TSR1: variants seen among roughly 807,000 people sequenced by gnomAD.
The protein encoded by TSR1 is TSR1 ribosome maturation factor.
TSR1 carries 81 observed loss-of-function variants against 90.9 expected under a neutral mutation model. The ratio of observed to expected loss-of-function variants is 0.89; its 90% CI spans 0.74 to 1.07. TSR1 has a LOEUF of 1.07. Among genes scored for constraint, TSR1 ranks in the 50% least tolerant of loss-of-function variants. The pLI, the probability that TSR1 is intolerant of heterozygous loss-of-function variation, is 0.00. For synonymous variants in TSR1, 362 were observed against 348.8 expected, an observed-to-expected ratio of 1.04 and a Z score of -0.42; for missense variants, 989 against 987.3, an observed-to-expected ratio of 1.00 and a Z score of -0.02.
At position 2,334,571 on chromosome 17, in the gene TSR1, A is replaced by G; in HGVS notation, c.882T>C (p.Tyr294=). 6.2e-7 allele frequency: 1 copy of G among 1,614,194 alleles called. No homozygotes were observed. Among genetic ancestry groups the G allele is most frequent in the South Asian group, 1.1e-5 (1 of 91,086 alleles). Residue 294 remains tyrosine, a synonymous_variant, in exon 5 of 15, where the codon TAT becomes TAC. Coordinates refer to ENST00000301364, the MANE Select transcript of TSR1 (RefSeq NM_018128.5). Reference sequence around the variant, plus strand: ...CTATCTGTTTCATCTGGAAATCACCATATCCAACGATATGCAGCAACCTAT... The same window carrying G: ...CTATCTGTTTCATCTGGAAATCACCGTATCCAACGATATGCAGCAACCTAT... The part of the protein sequence containing the change: ...NVNRLLHIVG[Y]GDFQMKQIDA...
chr17:2,324,616 T>G, intron 13 of TSR1, 38 bp from the exon 14 acceptor site: 1 of 1,613,960 alleles, frequency 6.2e-7, no homozygotes, highest in Non-Finnish European at 8.5e-7. Context: ...GATGAAACAT[T>G]TACCCACAAA....
intron 5 of TSR1, 28 bp from the exon 6 acceptor site, chr17:2,333,744 A>C: frequency 6.2e-7 from 1 of 1,612,998 alleles, no homozygotes; most frequent in Non-Finnish European, 8.5e-7. Flanking sequence ...GTGATAGTCA[A>C]CCATGAACCA....
Position 2,329,496 on chromosome 17 carries a change from A to C in TSR1, c.1771-21T>G, listed in dbSNP as rs182954221. On this transcript the variant is annotated intron_variant, in intron 10 of 14. Coordinates refer to ENST00000301364, the MANE Select transcript of TSR1 (RefSeq NM_018128.5). Reference sequence around the variant, plus strand: ...GACATCTGGGGACCAAGTAAGAAAAACAAAAATCTTCATAGTCTAGGAATA... The same window carrying C: ...GACATCTGGGGACCAAGTAAGAAAACCAAAAATCTTCATAGTCTAGGAATA... 9.1e-5 allele frequency: 147 copies of C among 1,613,064 alleles called. 2 individuals are homozygous for C. The East Asian group carries it at 3.1e-3, about 34-fold the overall frequency.
rs1597272564 is a variant in TSR1, at chr17:2,324,041, C to A, written c.*155G>T. The A allele has an allele frequency of 6.6e-6, 8 of 1,209,470 alleles. No homozygotes were observed. The highest frequency in any genetic ancestry group is 9.2e-6 in the Non-Finnish European group (8 of 869,082). The allele number at this position is 1,209,470 out of a possible 1,614,324, so 74.9% of individuals were successfully genotyped here. On this transcript the variant is annotated 3_prime_UTR_variant, in exon 15 of 15. Transcript: ENST00000301364. ...GTAGTGGAAAAACTTTTATACTTAA[C>A]TGAGACATTTTGTCAAGGCTAAAAA...
Position 2,329,448 on chromosome 17 carries a change from G to C in TSR1, c.1798C>G (p.Arg600Gly). Reference protein sequence around the residue: ...KMSVLNMVVRRDPGNTEPVKA... With the variant: ...KMSVLNMVVRGDPGNTEPVKA... ...ACAGGTTCAGTGTTGCCAGGGTCAC[G>C]CCTCACCACCATATTCAATACTGAC... Residue 600 changes from arginine (R) to glycine (G), a missense_variant, in exon 11 of 15, where the codon CGT (arginine) becomes GGT (glycine). By Grantham distance (125) the Arg-to-Gly change is moderately radical (BLOSUM62 -2). Coordinates refer to ENST00000301364, the MANE Select transcript of TSR1 (RefSeq NM_018128.5). 1 of 1,614,104 alleles carries C rather than the reference G, an allele frequency of 6.2e-7. No homozygotes were observed. The highest frequency in any genetic ancestry group is 8.5e-7 in the Non-Finnish European group (1 of 1,180,030).
chr17:2,335,352 G>T lies in TSR1; in HGVS notation c.464C>A (p.Thr155Asn), dbSNP rs2064048031. The T allele has an allele frequency of 1.9e-6, 3 of 1,613,644 alleles. No homozygotes were observed. The highest frequency in any genetic ancestry group is 2.5e-6 in the Non-Finnish European group (3 of 1,179,988). ...VVLDMAKVAD[T>N]ILFLLDPLEG... ...TAGTGGATCAAGGAGGAACAGGATG[G>T]TATCAGCTACTTTAGCCATGTCTAA... is the stretch of plus-strand genomic sequence containing the variant. Residue 155 changes from threonine to asparagine, a missense_variant, in exon 4 of 15, where the codon ACC becomes AAC. Transcript: ENST00000301364.
At position 2,336,093 on chromosome 17, in the gene TSR1, T is replaced by C; in HGVS notation, c.145A>G (p.Ser49Gly). The C allele has an allele frequency of 6.2e-7, 1 of 1,614,234 alleles. No homozygotes were observed. Among genetic ancestry groups the C allele is most frequent in the Non-Finnish European group, 8.5e-7 (1 of 1,180,038 alleles). Residue 49 changes from serine (S) to glycine (G), a missense_variant, in exon 2 of 15, where the codon AGC becomes GGC. Physicochemically the swap from Ser to Gly is moderately conservative, Grantham distance 56. Coordinates refer to ENST00000301364, the MANE Select transcript of TSR1 (RefSeq NM_018128.5). Reference protein sequence around the residue: ...TLSKKVRKELSRVDQRHRASQ... With the variant: ...TLSKKVRKELGRVDQRHRASQ... ...GCGCGATGCCTCTGGTCGACTCTGC[T>C]GAGTTCTTTTCTCACCTTCTTGCTT... is the stretch of plus-strand genomic sequence containing the variant.
In TSR1 at chr17:2,333,703, T is replaced by C. The variant is rs771754365; in HGVS notation, c.995A>G (p.Asp332Gly). ...PDMAMEICATDAVDDMEEGLK... is the reference protein window; with the variant it reads ...PDMAMEICATGAVDDMEEGLK... ...ACCTTCTTCCATATCATCTACAGCA[T>C]CCGTAGCACAAATCTGAAAACCAAA... Residue 332 changes from aspartate (D) to glycine (G), a missense_variant, in exon 6 of 15, where the codon GAT becomes GGT. Physicochemically the swap from Asp to Gly is moderately conservative, Grantham distance 94. Coordinates refer to ENST00000301364, the MANE Select transcript of TSR1 (RefSeq NM_018128.5). 6.2e-7 allele frequency: 1 copy of C among 1,613,972 alleles called. No individual in the cohort carries two copies. Among genetic ancestry groups the C allele is most frequent in the Non-Finnish European group, 8.5e-7 (1 of 1,180,004 alleles).
chr17:2,323,430 C>A lies in TSR1; in HGVS notation c.*766G>T. On this transcript the variant is annotated 3_prime_UTR_variant, in exon 15 of 15. Coordinates refer to ENST00000301364, the MANE Select transcript of TSR1 (RefSeq NM_018128.5). Reference sequence around the variant, plus strand: ...ACTTCCCTTAGGAGTAGCAAGTGACCCACGGGAACCTGACTAGGTAACTTC... The same window carrying A: ...ACTTCCCTTAGGAGTAGCAAGTGACACACGGGAACCTGACTAGGTAACTTC... The A allele has an allele frequency of 6.7e-7, 1 of 1,482,598 alleles. No homozygotes were observed. Among genetic ancestry groups the A allele is most frequent in the Non-Finnish European group, 9.3e-7 (1 of 1,071,102 alleles). The allele number at this position is 1,482,598 out of a possible 1,614,324, so 91.8% of individuals were successfully genotyped here.
At position 2,333,238 on chromosome 17, in the gene TSR1, G is replaced by C. The variant is rs774720616; in HGVS notation, c.1142-114C>G. The C allele has an allele frequency of 8.8e-6, 11 of 1,253,128 alleles. No homozygotes were observed. In the African/African-American group the frequency reaches 1.2e-4, roughly 13 times the overall value. 77.6% of individuals were successfully genotyped at this position (1,253,128 alleles called of 1,614,324 possible). A position where few individuals can be genotyped will look rare whatever the true frequency, so the allele number is the denominator to read the frequency against. On this transcript the variant is annotated intron_variant, in intron 6 of 14. Coordinates refer to ENST00000301364, the MANE Select transcript of TSR1 (RefSeq NM_018128.5). Reference sequence around the variant, plus strand: ...GCTGCCAACATGGGAAATTCTGGCAGACACTGTAAATAGAACTACTTCCAA... The same window carrying C: ...GCTGCCAACATGGGAAATTCTGGCACACACTGTAAATAGAACTACTTCCAA...
chr17:2,323,818 T>C lies in TSR1; in HGVS notation c.*378A>G. 6.2e-7 allele frequency: 1 copy of C among 1,614,198 alleles called. No individual in the cohort carries two copies. The highest frequency in any genetic ancestry group is 1.1e-5 in the South Asian group (1 of 91,086). On this transcript the variant is annotated 3_prime_UTR_variant, in exon 15 of 15. Coordinates refer to ENST00000301364, the MANE Select transcript of TSR1 (RefSeq NM_018128.5). Reference sequence around the variant, plus strand: ...GGAAATGTAGACTTAACCTCCTCCATAACTTGGGTGAAGCAGGCTGAAAGG... The same window carrying C: ...GGAAATGTAGACTTAACCTCCTCCACAACTTGGGTGAAGCAGGCTGAAAGG...
intron 11 of TSR1, among the ~76,000 whole-genome samples, chr17:2,328,742 C>A (rs369137809): frequency 3.2e-4 from 48 of 151,636 alleles, no homozygotes; most frequent in African/African-American, 1.2e-3. Flanking sequence ...CGGTGAAACC[C>A]CGTCTCTACT....
chr17:2,335,439 C>T (rs777104921), intron 3 of TSR1, 45 bp from the exon 4 acceptor site: 8 of 1,551,838 alleles, frequency 5.2e-6, no homozygotes, highest in Non-Finnish European at 7.0e-6. Context: ...GGCACCAGCA[C>T]ATTATTCTAA....
At position 2,322,834 on chromosome 17, in the gene TSR1, A is replaced by C; in HGVS notation, c.*1362T>G. On this transcript the variant is annotated 3_prime_UTR_variant, in exon 15 of 15. Coordinates refer to ENST00000301364, the MANE Select transcript of TSR1 (RefSeq NM_018128.5). ...CCCCACCCCATTTTGGTGTGATCTCAGCTCACTGCAACCTACCCCTCCCAA... is the reference window on the plus strand; with the variant it reads ...CCCCACCCCATTTTGGTGTGATCTCCGCTCACTGCAACCTACCCCTCCCAA... The C allele has an allele frequency of 2.7e-6, 1 of 367,842 alleles. No homozygotes were observed. Among genetic ancestry groups the C allele is most frequent in the Non-Finnish European group, 5.2e-6 (1 of 192,306 alleles). The allele number at this position is 367,842 out of a possible 1,614,324, so 22.8% of individuals were successfully genotyped here. A position where few individuals can be genotyped will look rare whatever the true frequency, so the allele number is the denominator to read the frequency against.
At chr17:2,325,988 G>A (rs2075574244) in intron 11 of TSR1, among the ~76,000 whole-genome samples, 1 of 152,056 alleles carries the variant, frequency 6.6e-6, no homozygotes, top group East Asian at 1.9e-4. Context: ...GTACAATGGT[G>A]CCATCTCTGC....
At chr17:2,328,235 C>T (rs867935658) in intron 11 of TSR1, among the ~76,000 whole-genome samples, 2 of 98,500 alleles carry the variant, frequency 2.0e-5, no homozygotes, top group Non-Finnish European at 3.7e-5. Context: ...GAGTGAGACT[C>T]GGTCTCAAAA....
Position 2,323,787 on chromosome 17 carries a change from A to C in TSR1, c.*409T>G. 1 of 1,614,198 alleles carries C rather than the reference A, an allele frequency of 6.2e-7. No homozygotes were observed. The highest frequency in any genetic ancestry group is 1.6e-4 in the Middle Eastern group (1 of 6,062). On this transcript the variant is annotated 3_prime_UTR_variant, in exon 15 of 15. Coordinates refer to ENST00000301364, the MANE Select transcript of TSR1 (RefSeq NM_018128.5). ...AGTAAAGAACATTTGTATTGTGCTC[A>C]GTGGTGGAAATGTAGACTTAACCTC...
chr17:2,327,921 T>A (rs1333262777), intron 11 of TSR1, among the ~76,000 whole-genome samples: 2 of 151,344 alleles, frequency 1.3e-5, no homozygotes, highest in African/African-American at 2.4e-5. Context: ...AAATAGTTCA[T>A]CCTAAAAAAA....
chr17:2,335,928 G>T, intron 2 of TSR1, 109 bp downstream of exon 2: 1 of 1,310,814 alleles, frequency 7.6e-7, no homozygotes, highest in South Asian at 1.3e-5. Context: ...CGTGCTCTAG[G>T]GCTATGCTCT....
Sources: gnomAD v4.1 joint callset for allele counts (sites outside exome capture counted in the v4.1 genomes callset) on GRCh38, gnomAD v4.1.1 for gene constraint, MANE v1.5 for transcripts, NCBI Gene and HGNC (gene_info 2026-07-23, HGNC 2026-07-21) for gene names.